SCRIB: variants seen among roughly 807,000 people sequenced by gnomAD.
SCRIB encodes protein scribble homolog.
SCRIB carries 72 observed loss-of-function variants against 170.0 expected under a neutral mutation model. The observed-to-expected ratio is 0.42, with a 90% CI of 0.35 to 0.52. The LOEUF (loss-of-function observed/expected upper bound fraction) is 0.52. Among genes scored for constraint, SCRIB ranks in the 20% least tolerant of loss-of-function variants. The pLI, the probability that SCRIB is intolerant of heterozygous loss-of-function variation, is 0.02. For missense variants in SCRIB, 2,475 were observed against 2,338.5 expected (o/e 1.06, Z -1.20); for synonymous variants, 1,298 against 1,044.3 (o/e 1.24, Z -4.68).
In SCRIB at chr8:143,815,620, G is replaced by A; in HGVS notation, c.-248C>T. On this transcript the variant is annotated 5_prime_UTR_variant, in exon 1 of 37. Coordinates refer to ENST00000356994, the MANE Select transcript of SCRIB (RefSeq NM_182706.5). ...CAGACTCTTAGGAAGCGCGGGGAGC[G>A]GCGGCGGCGGCGGCTCCGCATCCCG... is the stretch of plus-strand genomic sequence containing the variant. 1 of 980,604 alleles carries A rather than the reference G, an allele frequency of 1.0e-6. No homozygotes were observed. The allele number at this position is 980,604 out of a possible 1,614,324, so 60.7% of individuals were successfully genotyped here.
rs149444015 is a variant in SCRIB, at chr8:143,808,654, C to G, written c.2070G>C (p.Glu690Asp). ...CCACGGCCCCCTCCTTGTCCTCCTC[C>G]TCAGTGCTGGCCTCTTCCTCTTCAG... ...NRAEEEEASTEEEDKEGAVVS... is the reference protein window; with the variant it reads ...NRAEEEEASTDEEDKEGAVVS... The change falls in exon 15 of 37, where the codon GAG (glutamate) becomes GAC (aspartate). Residue 690 changes from glutamate to aspartate, a missense_variant. Coordinates refer to ENST00000356994, the MANE Select transcript of SCRIB (RefSeq NM_182706.5). 1 of 1,521,838 alleles carries G rather than the reference C, an allele frequency of 6.6e-7. No homozygotes were observed. Among genetic ancestry groups the G allele is most frequent in the South Asian group, 1.3e-5 (1 of 75,332 alleles). The allele number at this position is 1,521,838 out of a possible 1,614,324, so 94.3% of individuals were successfully genotyped here. A position where few individuals can be genotyped will look rare whatever the true frequency, so the allele number is the denominator to read the frequency against.
rs188083981 is a variant in SCRIB, at chr8:143,802,915, G to A, written c.3603+468C>T. Among the ~76,000 whole-genome samples, 191 of 152,336 alleles carry A rather than the reference G, an allele frequency of 1.3e-3. 1 individual carries two copies. The highest frequency in any genetic ancestry group is 3.5e-3 in the African/African-American group (146 of 41,580). On this transcript the variant is annotated intron_variant, in intron 24 of 36. Coordinates refer to ENST00000356994, the MANE Select transcript of SCRIB (RefSeq NM_182706.5). ...TGAGGGGTCACCAGAGGGGCTCCCT[G>A]GAGTCATGGCCCAGGGATGGGCTGA...
At position 143,812,250 on chromosome 8, in the gene SCRIB, C is replaced by A; in HGVS notation, c.906+16G>T. 1.9e-6 allele frequency: 3 copies of A among 1,549,048 alleles called. No individual in the cohort carries two copies. In the East Asian group the frequency reaches 6.7e-5, roughly 35 times the overall value. On this transcript the variant is annotated intron_variant, in intron 9 of 36. Coordinates refer to ENST00000356994, the MANE Select transcript of SCRIB (RefSeq NM_182706.5). ...CCGACGGCCCCATCCTTTCTGCCTCCCAAGCCAGACCCTACCATCAGCAGG... is the reference window on the plus strand; with the variant it reads ...CCGACGGCCCCATCCTTTCTGCCTCACAAGCCAGACCCTACCATCAGCAGG...
rs756101233 is a variant in SCRIB at position 143,811,205 on chromosome 8, G to A, written c.1047C>T (p.Val349=). ...VLSLRDNRLA[V]LPPELAHTTE... ...TCGTGTGGGCCAGCTCTGGTGGCAG[G>A]ACGGCCAGGCGGTTGTCCCTCAAGG... is the stretch of plus-strand genomic sequence containing the variant. Residue 349 remains valine (V), a synonymous_variant, in exon 10 of 37, where the codon GTC becomes GTT. Transcript: ENST00000356994. The A allele has an allele frequency of 9.9e-6, 16 of 1,611,428 alleles. No homozygotes were observed. The highest frequency in any genetic ancestry group is 1.7e-5 in the Admixed American group (1 of 59,836).
chr8:143,813,012 A>G lies in SCRIB; in HGVS notation c.642+18T>C, dbSNP rs372364994. ...GCGGATGGGCACGAAGCAGGGGGCC[A>G]GCCCCACCCTGACTCACCGGGGGCA... On this transcript the variant is annotated intron_variant, in intron 7 of 36. Transcript: ENST00000356994. The G allele has an allele frequency of 3.7e-6, 6 of 1,607,954 alleles. No individual in the cohort carries two copies. The Admixed American group carries it at 6.8e-5, about 18-fold the overall frequency.
rs367987093 is a variant in SCRIB at position 143,813,844 on chromosome 8, C to T, written c.330G>A (p.Ala110=). 2.9e-5 allele frequency: 47 copies of T among 1,609,660 alleles called. No individual in the cohort carries two copies. Among genetic ancestry groups the T allele is most frequent in the South Asian group, 1.2e-4 (11 of 90,768 alleles). The change falls in exon 3 of 37, where the codon GCG becomes GCA. Residue 110 remains alanine (A), a synonymous_variant. Coordinates refer to ENST00000356994, the MANE Select transcript of SCRIB (RefSeq NM_182706.5). ...TGGAGAGGGGGTTCCCGCTGAAGTC[C>T]GCGATCTCCAGAGCCTTGCAGAACT... ...SIKFCKALEI[A]DFSGNPLSRL...
chr8:143,797,313 A>G (rs1814984591), intron 24 of SCRIB, among the ~76,000 whole-genome samples: 1 of 152,086 alleles, frequency 6.6e-6, no homozygotes, highest in Non-Finnish European at 1.5e-5. Context: ...AATGAAATGG[A>G]CTCCCTTGTG....
rs1182661159 is a variant in SCRIB at position 143,811,318 on chromosome 8, T to C, written c.934A>G (p.Thr312Ala). 2.5e-6 allele frequency: 4 copies of C among 1,612,708 alleles called. No homozygotes were observed. In the South Asian group the frequency reaches 3.3e-5, roughly 13 times the overall value. The change falls in exon 10 of 37, where the codon ACT becomes GCT. Residue 312 changes from threonine to alanine, a missense_variant. By Grantham distance (58) the Thr-to-Ala change is moderately conservative (BLOSUM62 0). This residue lies in a region of SCRIB where 487 missense variants were observed against 558.1 expected (regional missense o/e 0.87). Transcript: ENST00000356994. ...TCCACGTTGAGGTTGGTCAGCTTAG[T>C]CAGCTTTCCCAGGGAGCGGGGCAGG... ...MALPRSLGKL[T>A]KLTNLNVDRN...
Position 143,792,250 on chromosome 8 carries a change from G to C in SCRIB, c.4484C>G (p.Ala1495Gly). 1 of 1,573,818 alleles carries C rather than the reference G, an allele frequency of 6.4e-7. No individual in the cohort carries two copies. The highest frequency in any genetic ancestry group is 8.6e-7 in the Non-Finnish European group (1 of 1,166,970). ...LSPAELRALE[A>G]EKRALWRAAR... ...TGCCCTCCACAGCGCACGCTTCTCG[G>C]CCTCCAGGGCCCGGAGCTCGGCAGG... The change falls in exon 32 of 37, where the codon GCC becomes GGC. Residue 1495 changes from alanine (A) to glycine (G), a missense_variant. Coordinates refer to ENST00000356994, the MANE Select transcript of SCRIB (RefSeq NM_182706.5).
rs372232275 is a variant in SCRIB, at chr8:143,791,328, G to C, written c.4823-20C>G. ...GCGGGCCTGGAGGGCAGGGACAGGT[G>C]GGCAGTGAGCTGAGGGCAGCTGGGC... On this transcript the variant is annotated intron_variant, in intron 36 of 36. Transcript: ENST00000356994. 4 of 1,586,438 alleles carry C rather than the reference G, an allele frequency of 2.5e-6. No individual in the cohort carries two copies. In the African/African-American group the frequency reaches 4.0e-5, roughly 16 times the overall value.
At chr8:143,802,328 C>T (rs1465691156) in intron 24 of SCRIB, among the ~76,000 whole-genome samples, 1 of 152,260 alleles carries the variant, frequency 6.6e-6, no homozygotes, top group Non-Finnish European at 1.5e-5. Flanking sequence ...CACTCTGTGA[C>T]TGTCAGCCTG....
At chr8:143,793,406 C>A in intron 28 of SCRIB, 2 of 197,468 alleles carry the variant, frequency 1.0e-5, no homozygotes, top group Non-Finnish European at 2.1e-5. Context: ...AGGCAAGGGA[C>A]GGGGGTAGAG....
chr8:143,811,381 C>T (rs1815711909), intron 9 of SCRIB, 36 bp from the exon 10 acceptor site: 5 of 1,582,384 alleles, frequency 3.2e-6, no homozygotes, highest in East Asian at 2.3e-5. Context: ...ACGCTAGGGG[C>T]TTGCTGGGGG....
In SCRIB at chr8:143,803,827, C is replaced by G. The variant is rs149387688; in HGVS notation, c.3234G>C (p.Leu1078=). ...GCGACAGCTCCAGGCAGGGCCGGAG[C>G]AGGGCACTGACTGCTTCTTGGTGCG... The part of the protein sequence containing the change: ...DATHQEAVSA[L]LRPCLELSLL... Residue 1078 remains leucine, a synonymous_variant, in exon 23 of 37, where the codon CTG becomes CTC. Coordinates refer to ENST00000356994, the MANE Select transcript of SCRIB (RefSeq NM_182706.5). 6.2e-7 allele frequency: 1 copy of G among 1,604,108 alleles called. No individual in the cohort carries two copies. The highest frequency in any genetic ancestry group is 1.7e-5 in the Admixed American group (1 of 59,566).
At chr8:143,812,585 G>A (rs911623039) in intron 8 of SCRIB, among the ~76,000 whole-genome samples, 1 of 152,060 alleles carries the variant, frequency 6.6e-6, no homozygotes, top group African/African-American at 2.4e-5. Flanking sequence ...CAGTGGCACT[G>A]CCACCCTTCC....
Position 143,792,180 on chromosome 8 carries a change from A to G in SCRIB, c.4514+40T>C, listed in dbSNP as rs1814717125. ...GGTGACTTGGGGCAGGAGCAGGGAC[A>G]GGCAGCAGGGCGGGGTGGCGACCCC... On this transcript the variant is annotated intron_variant, in intron 32 of 36. Transcript: ENST00000356994. 5 of 1,558,128 alleles carry G rather than the reference A, an allele frequency of 3.2e-6. No individual in the cohort carries two copies. The South Asian group carries it at 4.7e-5, about 15-fold the overall frequency.
chr8:143,792,781 G>C lies in SCRIB; in HGVS notation c.4104C>G (p.Pro1368=). 1 of 1,581,416 alleles carries C rather than the reference G, an allele frequency of 6.3e-7. No homozygotes were observed. Among genetic ancestry groups the C allele is most frequent in the Non-Finnish European group, 8.6e-7 (1 of 1,166,360 alleles). The change falls in exon 30 of 37, where the codon CCC becomes CCG. Residue 1368 remains proline (P), a synonymous_variant. Coordinates refer to ENST00000356994, the MANE Select transcript of SCRIB (RefSeq NM_182706.5). ...QKYFELEVRV[P]QAEGPPKRVS... is the part of the protein sequence containing the mutation. Reference sequence around the variant, plus strand: ...CGCGCTTAGGGGGGCCCTCGGCCTGGGGCACGCGCACCTCCAGCTCAAAGT... The same window carrying C: ...CGCGCTTAGGGGGGCCCTCGGCCTGCGGCACGCGCACCTCCAGCTCAAAGT...
At position 143,812,800 on chromosome 8, in the gene SCRIB, C is replaced by A. The variant is rs1308730035; in HGVS notation, c.787+17G>T. On this transcript the variant is annotated intron_variant, in intron 8 of 36. Coordinates refer to ENST00000356994, the MANE Select transcript of SCRIB (RefSeq NM_182706.5). ...AGGCTCCGTGTGCCCCACCCAGGCA[C>A]CCCCAGGCACACTAACCGATGCCGT... 2 of 1,595,230 alleles carry A rather than the reference C, an allele frequency of 1.3e-6. No homozygotes were observed. Among genetic ancestry groups the A allele is most frequent in the South Asian group, 2.2e-5 (2 of 90,944 alleles).
At chr8:143,802,846 G>A (rs1025027560) in intron 24 of SCRIB, among the ~76,000 whole-genome samples, 3 of 152,228 alleles carry the variant, frequency 2.0e-5, no homozygotes, top group South Asian at 2.1e-4. Flanking sequence ...AGGAAGGGAC[G>A]GACCAGCAGT....
Sources: allele counts gnomAD v4.1 joint callset (sites outside exome capture counted in the v4.1 genomes callset), GRCh38; gene constraint gnomAD v4.1.1; regional missense constraint gnomAD v4.1.1; transcripts MANE v1.5; gene names NCBI Gene and HGNC (gene_info 2026-07-23, HGNC 2026-07-21).